GNB1: variants seen among roughly 807,000 people sequenced by gnomAD.
The protein encoded by GNB1 is guanine nucleotide-binding protein G(I)/G(S)/G(T) subunit beta-1.
Under a neutral mutation model 42.9 loss-of-function variants are expected in GNB1, and 2 were observed. That is an observed-to-expected ratio of 0.05 (90% CI 0.02 to 0.15). The LOEUF (loss-of-function observed/expected upper bound fraction) is 0.15. GNB1 is among the 10% of genes least tolerant of loss of function. GNB1 has a pLI of 1.00. For missense variants in GNB1, 193 were observed against 462.2 expected, an observed-to-expected ratio of 0.42 and a Z score of 5.34; for synonymous variants, 183 against 174.7, an observed-to-expected ratio of 1.05 and a Z score of -0.38.
intron 7 of GNB1, among the ~76,000 whole-genome samples, chr1:1,795,367 T>C (rs1646532440): frequency 6.6e-6 from 1 of 151,950 alleles, no homozygotes; most frequent in East Asian, 1.9e-4. Flanking sequence ...CCTGTTTGAA[T>C]GTGAGCACAG....
rs542621583 is a variant in GNB1, at chr1:1,881,268, C to G, written c.-96+9552G>C. Among the ~76,000 whole-genome samples the G allele has an allele frequency of 3.8e-4, 58 of 152,224 alleles. 1 individual carries two copies. The highest frequency in any genetic ancestry group is 1.3e-3 in the African/African-American group (54 of 41,540). On this transcript the variant is annotated intron_variant, in intron 1 of 11. Coordinates refer to ENST00000378609, the MANE Select transcript of GNB1 (RefSeq NM_002074.5). ...TTATCAATCGTCAACCTGGTCCAGACCCCTTTCCTCTTCTACAGCAGCTTT... is the reference window on the plus strand; with the variant it reads ...TTATCAATCGTCAACCTGGTCCAGAGCCCTTTCCTCTTCTACAGCAGCTTT...
chr1:1,805,195 A>G (rs1383485549), intron 6 of GNB1, among the ~76,000 whole-genome samples: 1 of 151,618 alleles, frequency 6.6e-6, no homozygotes, highest in African/African-American at 2.4e-5. Context: ...GCGGTGGCTC[A>G]TGCCTGTAAT....
chr1:1,869,185 C>CAAAAAAA (rs71578347), intron 1 of GNB1, among the ~76,000 whole-genome samples: 2 of 26,744 alleles, frequency 7.5e-5, no homozygotes, highest in South Asian at 1.6e-3. Context: ...GACACCTTCT[C>CAAAAAAA]AAAAAAAAAA....
At chr1:1,866,553 C>A (rs2101718113) in intron 1 of GNB1, among the ~76,000 whole-genome samples, 1 of 151,562 alleles carries the variant, frequency 6.6e-6, no homozygotes, top group East Asian at 1.9e-4. Flanking sequence ...GGTGTCCAAT[C>A]TTTTGGCTTC....
At chr1:1,833,081 C>A (rs1213705544) in intron 2 of GNB1, among the ~76,000 whole-genome samples, 1 of 152,148 alleles carries the variant, frequency 6.6e-6, no homozygotes, top group African/African-American at 2.4e-5. Flanking sequence ...AGTCCTGAGT[C>A]ACCTGGTCAC....
Position 1,793,227 on chromosome 1 carries a change from C to A in GNB1, c.497+18G>T. ...TGTGGGTTCTCAAGGCACTGCCTGCCCCGGGTCAGGTACTTACCACGTGGT... is the reference window on the plus strand; with the variant it reads ...TGTGGGTTCTCAAGGCACTGCCTGCACCGGGTCAGGTACTTACCACGTGGT... On this transcript the variant is annotated intron_variant, in intron 8 of 11. Transcript: ENST00000378609. 1.9e-6 allele frequency: 3 copies of A among 1,584,270 alleles called. No homozygotes were observed. Among genetic ancestry groups the A allele is most frequent in the Non-Finnish European group, 2.6e-6 (3 of 1,154,398 alleles).
intron 1 of GNB1, among the ~76,000 whole-genome samples, chr1:1,854,159 C>T (rs184791549): frequency 1.4e-3 from 214 of 152,296 alleles, no homozygotes; most frequent in Non-Finnish European, 1.4e-3. Context: ...AACTGCTATC[C>T]ATTGCTAAGG....
intron 1 of GNB1, among the ~76,000 whole-genome samples, chr1:1,867,810 CTT>C (rs1305985234): frequency 6.6e-6 from 1 of 152,198 alleles, no homozygotes; most frequent in Non-Finnish European, 1.5e-5. Context: ...CTAAGAAACT[CTT>C]TACCTACAGC....
intron 7 of GNB1, among the ~76,000 whole-genome samples, chr1:1,800,518 G>A (rs745760054): frequency 7.9e-5 from 12 of 152,158 alleles, no homozygotes; most frequent in Non-Finnish European, 2.9e-5. Flanking sequence ...AAGTGGGAAA[G>A]TGATGAACAA....
intron 1 of GNB1, among the ~76,000 whole-genome samples, chr1:1,849,622 A>T (rs1647871634): frequency 2.0e-5 from 3 of 151,946 alleles, no homozygotes; most frequent in Admixed American, 2.0e-4. Flanking sequence ...GGCTGCTCTC[A>T]AACTCCTGGG....
chr1:1,804,581 C>T lies in GNB1; in HGVS notation c.268G>A (p.Val90Ile). ...IIWDSYTTNK[V>I]HAIPLRSSWV... ...GAGGAGCGCAGAGGGATGGCGTGGACCTAATGACAGAAAGACAGATGATGC... is the reference window on the plus strand; with the variant it reads ...GAGGAGCGCAGAGGGATGGCGTGGATCTAATGACAGAAAGACAGATGATGC... Residue 90 changes from valine (V) to isoleucine (I), a missense_variant and splice_region_variant, in exon 7 of 12, where the codon GTC (valine) becomes ATC (isoleucine). Physicochemically the swap from Val to Ile is conservative, Grantham distance 29. Coordinates refer to ENST00000378609, the MANE Select transcript of GNB1 (RefSeq NM_002074.5). The T allele has an allele frequency of 6.3e-7, 1 of 1,578,212 alleles. No homozygotes were observed.
chr1:1,822,247 A>G (rs12141314), intron 3 of GNB1, among the ~76,000 whole-genome samples: 22,479 of 151,776 alleles, frequency 0.15, 1,873 homozygotes, highest in Middle Eastern at 0.3. Context: ...TTGGTATCCC[A>G]AAGTACTGGG....
In GNB1 at chr1:1,787,230, T is replaced by C. The variant is rs552223564; in HGVS notation, c.*9+92A>G. Reference sequence around the variant, plus strand: ...ATTCCAAATCAATGCTACATCAACATTTATCTAGAAACCGTTAATGACAAC... The same window carrying C: ...ATTCCAAATCAATGCTACATCAACACTTATCTAGAAACCGTTAATGACAAC... On this transcript the variant is annotated intron_variant, in intron 11 of 11. Coordinates refer to ENST00000378609, the MANE Select transcript of GNB1 (RefSeq NM_002074.5). This position sits in a 1 kb window ranked among gnomAD's most constrained non-coding sequence, Gnocchi z 4.4. 5.0e-5 allele frequency: 37 copies of C among 740,038 alleles called. No homozygotes were observed. In the South Asian group the frequency reaches 6.3e-4, roughly 13 times the overall value. 45.8% of individuals were successfully genotyped at this position (740,038 alleles called of 1,614,324 possible).
chr1:1,835,264 T>C (rs1002493289), intron 2 of GNB1, among the ~76,000 whole-genome samples: 1 of 152,176 alleles, frequency 6.6e-6, no homozygotes, highest in African/African-American at 2.4e-5. Flanking sequence ...GGCAGGAAAG[T>C]TGGAAGCCCC....
chr1:1,882,449 A>AAAAG (rs1557953024), intron 1 of GNB1, among the ~76,000 whole-genome samples: 2 of 140,990 alleles, frequency 1.4e-5, no homozygotes, highest in Non-Finnish European at 3.1e-5. Flanking sequence ...AAAAAAAAAA[A>AAAAG]AGAGAGAAGG....
At chr1:1,805,964 T>C (rs1324718873) in intron 6 of GNB1, among the ~76,000 whole-genome samples, 1 of 152,238 alleles carries the variant, frequency 6.6e-6, no homozygotes, top group African/African-American at 2.4e-5. Context: ...TTTAGTATTC[T>C]TTAGTAAAAT....
intron 2 of GNB1, among the ~76,000 whole-genome samples, chr1:1,830,208 T>C (rs564589459): frequency 4.5e-4 from 69 of 152,212 alleles, no homozygotes; most frequent in Non-Finnish European, 7.6e-4. Context: ...TCTGGGGTCC[T>C]AGAACAAAGA....
intron 7 of GNB1, among the ~76,000 whole-genome samples, chr1:1,797,331 A>G (rs1646560176): frequency 6.6e-6 from 1 of 152,242 alleles, no homozygotes; most frequent in East Asian, 1.9e-4. Context: ...TACTATAGTT[A>G]TATAATACTG....
intron 2 of GNB1, among the ~76,000 whole-genome samples, chr1:1,828,842 G>C (rs1557908994): frequency 1.3e-5 from 2 of 151,902 alleles, no homozygotes; most frequent in African/African-American, 4.8e-5. Context: ...AGCAGTTTGC[G>C]ACCAGCCTGG....
Sources: allele counts gnomAD v4.1 joint callset (sites outside exome capture counted in the v4.1 genomes callset), GRCh38; gene constraint gnomAD v4.1.1; non-coding constraint Gnocchi (gnomAD v3.1); transcripts MANE v1.5; gene names NCBI Gene and HGNC (gene_info 2026-07-23, HGNC 2026-07-21).